Variants in SLC2A13 observed in about 807,000 individuals in gnomAD.
SLC2A13 encodes the protein proton myo-inositol cotransporter.
Under a neutral mutation model 64.4 loss-of-function variants are expected in SLC2A13, and 32 were observed. The observed-to-expected ratio is 0.50, with a 90% CI of 0.37 to 0.67. The LOEUF (loss-of-function observed/expected upper bound fraction) is 0.67. Ranked by LOEUF, SLC2A13 falls within the 30% of genes least tolerant of loss-of-function variation. The pLI, the probability that SLC2A13 is intolerant of heterozygous loss-of-function variation, is 0.00. For synonymous variants in SLC2A13, 338 were observed against 327.1 expected (o/e 1.03, Z -0.36); for missense variants, 743 against 829.2 (o/e 0.90, Z 1.28).
intron 4 of SLC2A13, among the ~76,000 whole-genome samples, chr12:39,902,188 G>A (rs1458800922): frequency 7.4e-6 from 1 of 134,384 alleles, no homozygotes; most frequent in Admixed American, 7.8e-5. Context: ...TCTGGGGACT[G>A]TTGTGGGGTG....
intron 3 of SLC2A13, among the ~76,000 whole-genome samples, chr12:39,972,062 A>ATTATATATAATTTATATTTATATATAAT (rs1565569353): frequency 6.9e-5 from 1 of 14,390 alleles, no homozygotes; most frequent in Non-Finnish European, 1.3e-4. Flanking sequence ...ATATATAAAA[A>ATTATATATAATTTATATTTATATATAAT]TTATATATAT....
chr12:40,100,973 A>AAG lies in SLC2A13; in HGVS notation c.556+4279_556+4280insCT, dbSNP rs1263884529. ...AGAGTGAAGTTCCATCTCAGACAAA[A>AAG]AAAAAAAAAAAAAAAAAGATTAACC... is the stretch of plus-strand genomic sequence containing the variant. On this transcript the variant is annotated intron_variant, in intron 1 of 9. Coordinates refer to ENST00000280871, the MANE Select transcript of SLC2A13 (RefSeq NM_052885.4). Among the ~76,000 whole-genome samples, 3 of 150,760 alleles carry AAG rather than the reference A, an allele frequency of 2.0e-5. No individual in the cohort carries two copies. The South Asian group carries it at 6.3e-4, about 32-fold the overall frequency.
intron 4 of SLC2A13, among the ~76,000 whole-genome samples, chr12:39,875,611 G>A (rs1944163677): frequency 6.6e-6 from 1 of 152,192 alleles, no homozygotes; most frequent in Non-Finnish European, 1.5e-5. Context: ...CAGTTATAAT[G>A]AGAAGGAAGG....
chr12:39,793,809 C>A (rs897408746), intron 7 of SLC2A13, among the ~76,000 whole-genome samples: 99 of 152,172 alleles, frequency 6.5e-4, no homozygotes, highest in African/African-American at 1.8e-3. Context: ...TTAATCTAAG[C>A]AGTGACATAA....
chr12:39,962,677 C>T (rs993069877), intron 3 of SLC2A13, among the ~76,000 whole-genome samples: 1 of 152,060 alleles, frequency 6.6e-6, no homozygotes. Context: ...CTCACCTACC[C>T]GGTTTTTCAA....
At chr12:39,836,042 G>A (rs1942994374) in intron 6 of SLC2A13, among the ~76,000 whole-genome samples, 1 of 152,094 alleles carries the variant, frequency 6.6e-6, no homozygotes, top group African/African-American at 2.4e-5. Flanking sequence ...AGCAGCAAGG[G>A]CCAGTTTCGT....
chr12:40,013,090 T>C (rs1460859262), intron 3 of SLC2A13, among the ~76,000 whole-genome samples: 2 of 151,970 alleles, frequency 1.3e-5, no homozygotes, highest in African/African-American at 4.8e-5. Context: ...TTAGTTTCTA[T>C]AGTCAAAAGA....
At chr12:39,910,674 T>C (rs1219660045) in intron 4 of SLC2A13, among the ~76,000 whole-genome samples, 2 of 152,108 alleles carry the variant, frequency 1.3e-5, no homozygotes, top group East Asian at 3.8e-4. Flanking sequence ...TCACTAAGAC[T>C]TTCTGATAGG....
chr12:40,084,136 A>T (rs370758118), intron 1 of SLC2A13, among the ~76,000 whole-genome samples: 9 of 152,242 alleles, frequency 5.9e-5, no homozygotes, highest in African/African-American at 1.7e-4. Flanking sequence ...ATAAAAGATG[A>T]AGTACACATC....
chr12:40,089,099 A>G (rs11175139), intron 1 of SLC2A13, among the ~76,000 whole-genome samples: 2,083 of 152,304 alleles, frequency 0.014, 46 homozygotes, highest in African/African-American at 0.046. Context: ...AATCATGCAA[A>G]TGGCAGAATG....
intron 4 of SLC2A13, among the ~76,000 whole-genome samples, chr12:39,933,722 G>A (rs746557657): frequency 6.6e-6 from 1 of 152,144 alleles, no homozygotes; most frequent in African/African-American, 2.4e-5. Context: ...GATATGAGGA[G>A]TACAGATAAA....
At chr12:39,837,695 C>A (rs1229276052) in intron 6 of SLC2A13, among the ~76,000 whole-genome samples, 1 of 152,096 alleles carries the variant, frequency 6.6e-6, no homozygotes, top group Non-Finnish European at 1.5e-5. Context: ...TGAACAGACA[C>A]TTCTCAAAAG....
intron 3 of SLC2A13, among the ~76,000 whole-genome samples, chr12:39,998,515 A>G (rs1412305481): frequency 6.6e-6 from 1 of 152,136 alleles, no homozygotes; most frequent in Non-Finnish European, 1.5e-5. Context: ...ATCATTTTGG[A>G]GCTTTAAATA....
chr12:39,977,695 C>G (rs532470875), intron 3 of SLC2A13, among the ~76,000 whole-genome samples: 1 of 152,334 alleles, frequency 6.6e-6, no homozygotes, highest in African/African-American at 2.4e-5. Context: ...CCTCAGTGGT[C>G]ACAAATCTTC....
In SLC2A13 at chr12:39,811,643, A is replaced by C. The variant is rs1942164542; in HGVS notation, c.1445+18460T>G. ...TGAAAATTTTTTTTACTGATTTCTA[A>C]GAAGCTCTATTATTAGAGGAATATA... On this transcript the variant is annotated intron_variant, in intron 7 of 9. Coordinates refer to ENST00000280871, the MANE Select transcript of SLC2A13 (RefSeq NM_052885.4). Among the ~76,000 whole-genome samples the C allele has an allele frequency of 5.9e-5, 9 of 152,250 alleles. No homozygotes were observed. In the South Asian group the frequency reaches 1.9e-3, roughly 32 times the overall value.
At chr12:40,070,758 T>A (rs1758469443) in intron 1 of SLC2A13, among the ~76,000 whole-genome samples, 1 of 152,186 alleles carries the variant, frequency 6.6e-6, no homozygotes, top group Non-Finnish European at 1.5e-5. Flanking sequence ...CCATCCTAGT[T>A]ACTTCCCTTC....
At position 39,755,854 on chromosome 12, in the gene SLC2A13, G is replaced by C. The variant is rs1163653833; in HGVS notation, c.*4172C>G. The stretch of plus-strand genomic sequence containing the variant: ...TTTTAGCTCACTAGCAAATTATACG[G>C]ATAAAATACTTTCATGAACTTCTGA... On this transcript the variant is annotated 3_prime_UTR_variant, in exon 10 of 10. Transcript: ENST00000280871. 1 of 151,916 alleles carries C rather than the reference G, an allele frequency of 6.6e-6. No homozygotes were observed. Among genetic ancestry groups the C allele is most frequent in the Admixed American group, 6.6e-5 (1 of 15,202 alleles). The allele number at this position is 151,916 out of a possible 1,614,324, so 9.4% of individuals were successfully genotyped here. A position where few individuals can be genotyped will look rare whatever the true frequency, so the allele number is the denominator to read the frequency against.
At chr12:39,897,420 AG>A (rs1414475306) in intron 4 of SLC2A13, among the ~76,000 whole-genome samples, 1 of 152,210 alleles carries the variant, frequency 6.6e-6, no homozygotes, top group Non-Finnish European at 1.5e-5. Context: ...TGCAGAAAAA[AG>A]ATGCAGCTAT....
At chr12:40,078,098 T>C (rs765159117) in intron 1 of SLC2A13, among the ~76,000 whole-genome samples, 1 of 152,058 alleles carries the variant, frequency 6.6e-6, no homozygotes, top group South Asian at 2.1e-4. Flanking sequence ...CATCTGTAGA[T>C]AGATATGGTT....
Sources: allele counts gnomAD v4.1 joint callset (sites outside exome capture counted in the v4.1 genomes callset), GRCh38; gene constraint gnomAD v4.1.1; transcripts MANE v1.5; gene names NCBI Gene and HGNC (gene_info 2026-07-23, HGNC 2026-07-21).